DCAF8: variants seen among roughly 807,000 people sequenced by gnomAD.
DCAF8 encodes DDB1- and CUL4-associated factor 8.
DCAF8 carries 20 observed loss-of-function variants against 68.0 expected under a neutral mutation model. The ratio of observed to expected loss-of-function variants is 0.29; its 90% CI spans 0.21 to 0.43. The LOEUF is 0.43. DCAF8 is among the 20% of genes least tolerant of loss of function. DCAF8 has a pLI of 1.00. For synonymous variants in DCAF8, 230 were observed against 276.9 expected (o/e 0.83, Z 1.68); for missense variants, 460 against 771.0 (o/e 0.60, Z 4.78).
chr1:160,250,345 A>C (rs1483899788), intron 2 of DCAF8, among the ~76,000 whole-genome samples: 3 of 151,912 alleles, frequency 2.0e-5, no homozygotes, highest in Non-Finnish European at 1.5e-5. Flanking sequence ...GCATGCCTGT[A>C]ATCCCAGCTA....
chr1:160,229,849 T>C (rs897545140), intron 7 of DCAF8, among the ~76,000 whole-genome samples: 2 of 152,096 alleles, frequency 1.3e-5, no homozygotes, highest in African/African-American at 4.8e-5. Context: ...CGGTGAGACC[T>C]CGGTTCTACT....
chr1:160,256,519 C>T (rs1038065099), intron 2 of DCAF8, among the ~76,000 whole-genome samples: 1 of 151,922 alleles, frequency 6.6e-6, no homozygotes, highest in African/African-American at 2.4e-5. Flanking sequence ...AGTAACTTGA[C>T]TACCATTAGA....
chr1:160,240,310 G>A lies in DCAF8; in HGVS notation c.110C>T (p.Ser37Leu), dbSNP rs1192369218. ...GTCTGAGGCCTCCACTTCAATGCCT[G>A]AGGATGTCTCCCTCCCCTCTTCAGC... The part of the protein sequence containing the change: ...SGAEEGRETS[S>L]GIEVEASDLS... The change falls in exon 4 of 14, where the codon TCA becomes TTA. Residue 37 changes from serine to leucine, a missense_variant. Ser to Leu is a moderately radical substitution (Grantham distance 145, BLOSUM62 -2). This residue lies in a region of DCAF8 where 156 missense variants were observed against 181.4 expected (regional missense o/e 0.86). Transcript: ENST00000368074. 6.2e-7 allele frequency: 1 copy of A among 1,613,946 alleles called. No homozygotes were observed. Among genetic ancestry groups the A allele is most frequent in the South Asian group, 1.1e-5 (1 of 91,068 alleles).
intron 10 of DCAF8, among the ~76,000 whole-genome samples, chr1:160,223,496 C>A (rs1370923218): frequency 1.3e-5 from 2 of 152,178 alleles, no homozygotes; most frequent in Non-Finnish European, 2.9e-5. Context: ...AATGATTCCT[C>A]AACTTTCCTG....
chr1:160,262,201 G>A (rs1657125797), intron 1 of DCAF8: 1 of 397,592 alleles, frequency 2.5e-6, no homozygotes, highest in Non-Finnish European at 4.4e-6. Flanking sequence ...TTGGGATACG[G>A]GTCAGGCCCA....
chr1:160,224,313 T>C, intron 10 of DCAF8, 129 bp downstream of exon 10: 1 of 664,188 alleles, frequency 1.5e-6, no homozygotes, highest in South Asian at 1.9e-5. Context: ...TCCAGCCCAA[T>C]TCAGGATAAT....
chr1:160,254,288 CT>C (rs1656733131), intron 2 of DCAF8, among the ~76,000 whole-genome samples: 1 of 151,136 alleles, frequency 6.6e-6, no homozygotes. Context: ...TGCCACTGCA[CT>C]CCAACCTGGG....
rs745507749 is a variant in DCAF8 at position 160,217,707 on chromosome 1, C to T, written c.1679G>A (p.Arg560His). 14 of 1,613,100 alleles carry T rather than the reference C, an allele frequency of 8.7e-6. No individual in the cohort carries two copies. The highest frequency in any genetic ancestry group is 1.2e-5 in the Non-Finnish European group (14 of 1,179,254). The change falls in exon 14 of 14, where the codon CGC (arginine) becomes CAC (histidine). Residue 560 changes from arginine to histidine, a missense_variant and splice_region_variant. Transcript: ENST00000368074. ...GGCCCCAACCCCAGGTTCTCGCCAG[C>T]GCTGTGGATGGGAAAGGCTTGTTAG... The part of the protein sequence containing the change: ...HHLRQRRHHR[R>H]WREPGVGATD...
chr1:160,227,431 A>G (rs946856454), intron 7 of DCAF8, among the ~76,000 whole-genome samples: 3 of 152,158 alleles, frequency 2.0e-5, no homozygotes, highest in East Asian at 1.9e-4. Flanking sequence ...TGCTGAGCTA[A>G]TATTTTTATT....
rs374906516 is a variant in DCAF8 at position 160,225,047 on chromosome 1, G to A, written c.1201+15C>T. Reference sequence around the variant, plus strand: ...GGGGGCATGCCAGCCTAGGAGCTGGGCCCTGCTCACGTACCTGTGCCGTCG... The same window carrying A: ...GGGGGCATGCCAGCCTAGGAGCTGGACCCTGCTCACGTACCTGTGCCGTCG... On this transcript the variant is annotated intron_variant, in intron 9 of 13. Coordinates refer to ENST00000368074, the MANE Select transcript of DCAF8 (RefSeq NM_015726.4). The A allele has an allele frequency of 1.9e-6, 3 of 1,613,844 alleles. No individual in the cohort carries two copies. The African/African-American group carries it at 4.0e-5, about 22-fold the overall frequency.
At chr1:160,243,858 T>A in intron 3 of DCAF8, 102 bp downstream of exon 3, 1 of 1,150,876 alleles carries the variant, frequency 8.7e-7, no homozygotes, top group African/African-American at 1.5e-5. Context: ...CAGGAAAGTT[T>A]CCCTCTCTCC....
At chr1:160,255,678 G>T (rs904060456) in intron 2 of DCAF8, among the ~76,000 whole-genome samples, 1 of 152,082 alleles carries the variant, frequency 6.6e-6, no homozygotes, top group African/African-American at 2.4e-5. Flanking sequence ...GGAGTACACT[G>T]GTGTGATATT....
rs78842686 is a variant in DCAF8, at chr1:160,230,658, A to G, written c.1070+639T>C. On this transcript the variant is annotated intron_variant, in intron 7 of 13. Coordinates refer to ENST00000368074, the MANE Select transcript of DCAF8 (RefSeq NM_015726.4). ...TCTAGTGCACGTTTATTTACATACGAAAAAGGTAGATTATTTACTAATATA... is the reference window on the plus strand; with the variant it reads ...TCTAGTGCACGTTTATTTACATACGGAAAAGGTAGATTATTTACTAATATA... Among the ~76,000 whole-genome samples, 281 of 152,362 alleles carry G rather than the reference A, an allele frequency of 1.8e-3. 4 individuals carry two copies. The East Asian group carries it at 0.028, about 15-fold the overall frequency.
At chr1:160,232,596 G>A (rs148266001) in intron 6 of DCAF8, among the ~76,000 whole-genome samples, 2,163 of 151,500 alleles carry the variant, frequency 0.014, 58 homozygotes, top group African/African-American at 0.048. Flanking sequence ...GACCAAGATC[G>A]TGCCACTGCA....
rs145344286 is a variant in DCAF8, at chr1:160,231,316, C to T, written c.1051G>A (p.Gly351Arg). The T allele has an allele frequency of 6.2e-7, 1 of 1,613,504 alleles. No homozygotes were observed. The highest frequency in any genetic ancestry group is 1.3e-5 in the African/African-American group (1 of 75,024). The stretch of plus-strand genomic sequence containing the variant: ...ACTCACCTTACAAACTGATCTCGTC[C>T]ACCCACTGCAAACTGGTGGGTATTG... The part of the protein sequence containing the change: ...PANTHQFAVG[G>R]RDQFVRIYDQ... Residue 351 changes from glycine (G) to arginine (R), a missense_variant, in exon 7 of 14, where the codon GGA (glycine) becomes AGA (arginine). Physicochemically the swap from Gly to Arg is moderately radical, Grantham distance 125. Around this residue, in one of 8 missense-constraint regions of DCAF8, gnomAD observed 170 missense variants for 318.2 expected, o/e 0.53. Transcript: ENST00000368074.
rs1238492425 is a variant in DCAF8 at position 160,236,424 on chromosome 1, GTGTGTGTA to G, written c.959+703_959+710del. ...TGTGTATATGTGTGTGTATATATGT[GTGTGTGTA>G]TGTGTGTGTGTGTGTATATATATAT... On this transcript the variant is annotated intron_variant, in intron 6 of 13. Coordinates refer to ENST00000368074, the MANE Select transcript of DCAF8 (RefSeq NM_015726.4). Among the ~76,000 whole-genome samples, 859 of 151,822 alleles carry G rather than the reference GTGTGTGTA, an allele frequency of 5.7e-3. 11 individuals carry two copies. The highest frequency in any genetic ancestry group is 0.019 in the African/African-American group (795 of 41,282).
At chr1:160,248,695 C>T (rs1571107736) in intron 2 of DCAF8, among the ~76,000 whole-genome samples, 1 of 151,520 alleles carries the variant, frequency 6.6e-6, no homozygotes, top group Middle Eastern at 3.4e-3. Flanking sequence ...GAGCAAGACT[C>T]CATCTCAAAA....
chr1:160,221,469 C>A (rs1655294510), intron 11 of DCAF8, among the ~76,000 whole-genome samples: 2 of 152,058 alleles, frequency 1.3e-5, no homozygotes, highest in South Asian at 4.1e-4. Context: ...GTCCCAGGTC[C>A]CTGAAATTTA....
At chr1:160,219,815 G>C (rs1263388403) in intron 11 of DCAF8, 2 of 152,212 alleles carry the variant, frequency 1.3e-5, no homozygotes, top group South Asian at 2.1e-4. Context: ...GGGAAGGGCA[G>C]GGAAGTTCCT....
Sources: allele counts gnomAD v4.1 joint callset (sites outside exome capture counted in the v4.1 genomes callset), GRCh38; gene constraint gnomAD v4.1.1; regional missense constraint gnomAD v4.1.1; transcripts MANE v1.5; gene names NCBI Gene and HGNC (gene_info 2026-07-23, HGNC 2026-07-21).